C22orf31: variants seen among roughly 807,000 people sequenced by gnomAD.
C22orf31 encodes the protein chromosome 22 open reading frame 31.
C22orf31 carries 11 observed loss-of-function variants against 15.0 expected under a neutral mutation model. The observed-to-expected ratio is 0.73, with a 90% CI of 0.46 to 1.21. The LOEUF (loss-of-function observed/expected upper bound fraction) is 1.21. Among genes scored for constraint, C22orf31 ranks in the 50% most tolerant of loss-of-function variants. The probability of loss-of-function intolerance (pLI) is 0.00; values close to 1 mark genes in which losing one functional copy is unlikely to be tolerated. For missense variants in C22orf31, 340 were observed against 347.2 expected, an observed-to-expected ratio of 0.98 and a Z score of 0.17; for synonymous variants, 132 against 133.3, an observed-to-expected ratio of 0.99 and a Z score of 0.07.
the C22orf31 span, chr22:29,073,374 G>C: frequency 8.4e-6 from 2 of 237,714 alleles, no homozygotes; most frequent in Non-Finnish European, 1.6e-5. The surrounding 1 kb of genome is among the most constrained non-coding windows in gnomAD (Gnocchi z 4.4). Flanking sequence ...CCCTCAGGCC[G>C]GGATGGTCCC....
At position 29,060,644 on chromosome 22, in the gene C22orf31, G is replaced by C; in HGVS notation, c.203C>G (p.Pro68Arg). Residue 68 changes from proline to arginine, a missense_variant, in exon 2 of 3, where the codon CCA becomes CGA. By Grantham distance (103) the Pro-to-Arg change is moderately radical. Coordinates refer to ENST00000216071, the MANE Select transcript of C22orf31 (RefSeq NM_015370.2). ...CAGGGAGAAGGAACTGGCAATTAATGGGTTCCTTACAACTTCCCAAGAGGA... is the reference window on the plus strand; with the variant it reads ...CAGGGAGAAGGAACTGGCAATTAATCGGTTCCTTACAACTTCCCAAGAGGA... ...TTSSWEVVRN[P>R]LIASSFSLVK... The C allele has an allele frequency of 6.2e-7, 1 of 1,614,104 alleles. No homozygotes were observed. Among genetic ancestry groups the C allele is most frequent in the African/African-American group, 1.3e-5 (1 of 75,052 alleles).
At chr22:29,067,148 T>A in the C22orf31 span, among the ~76,000 whole-genome samples, 1 of 152,212 alleles carries the variant, frequency 6.6e-6, no homozygotes, top group African/African-American at 2.4e-5. Context: ...AGTCTGTTCA[T>A]AATGGATTTT....
upstream of C22orf31, among the ~76,000 whole-genome samples, chr22:29,063,250 C>T (rs1445875375): frequency 6.6e-6 from 1 of 152,034 alleles, no homozygotes; most frequent in African/African-American, 2.4e-5. Flanking sequence ...CTGCAACCTC[C>T]GCTTCCTGGG....
At chr22:29,062,269 G>C (rs566599537), upstream of C22orf31, among the ~76,000 whole-genome samples, 2 of 152,188 alleles carry the variant, frequency 1.3e-5, no homozygotes, top group African/African-American at 4.8e-5. Flanking sequence ...ATGTGCAAAA[G>C]TGCCCTCCTT....
At chr22:29,071,170 C>G in the C22orf31 span, among the ~76,000 whole-genome samples, 8 of 151,238 alleles carry the variant, frequency 5.3e-5, no homozygotes, top group African/African-American at 1.7e-4. Context: ...GTGGGGGGGG[C>G]GGTCCCCAGG....
the C22orf31 span, among the ~76,000 whole-genome samples, chr22:29,067,385 A>G: frequency 1.3e-5 from 2 of 151,514 alleles, no homozygotes; most frequent in African/African-American, 4.8e-5. Context: ...GCATTTGGTG[A>G]CAGAAACCTA....
intron 2 of C22orf31, chr22:29,059,547 G>T: frequency 3.6e-6 from 1 of 278,832 alleles, no homozygotes; most frequent in Non-Finnish European, 5.4e-6. Context: ...GAAGCCCTAT[G>T]AGGGAAGGGC....
rs771989755 is a variant in C22orf31, at chr22:29,061,819, C to T, written c.-27G>A. ...TTTCAGTTGCCTTAAATTTTATTTT[C>T]GCTAGCTTAGTAAGGGGAAGAAATA... is the stretch of plus-strand genomic sequence containing the variant. On this transcript the variant is annotated 5_prime_UTR_variant, in exon 1 of 3. Coordinates refer to ENST00000216071, the MANE Select transcript of C22orf31 (RefSeq NM_015370.2). 16 of 1,525,740 alleles carry T rather than the reference C, an allele frequency of 1.0e-5. No homozygotes were observed. The highest frequency in any genetic ancestry group is 1.8e-5 in the Admixed American group (1 of 54,206). The allele number at this position is 1,525,740 out of a possible 1,614,324, so 94.5% of individuals were successfully genotyped here. A position where few individuals can be genotyped will look rare whatever the true frequency, so the allele number is the denominator to read the frequency against.
At chr22:29,059,486 C>T (rs113296349) in intron 2 of C22orf31, among the ~76,000 whole-genome samples, 33 of 152,344 alleles carry the variant, frequency 2.2e-4, no homozygotes, top group African/African-American at 7.5e-4. Context: ...ATTATTTACC[C>T]TCTGCCAGGC....
At chr22:29,071,725 G>T in the C22orf31 span, among the ~76,000 whole-genome samples, 1 of 152,116 alleles carries the variant, frequency 6.6e-6, no homozygotes, top group Non-Finnish European at 1.5e-5. Context: ...GACGGCCCAC[G>T]ACCGACCCCG....
At chr22:29,060,021 C>CTTTTTTTTTTTTTTTTTTTTTTTTTTT (rs60208241) in intron 2 of C22orf31, 1 of 513,144 alleles carries the variant, frequency 1.9e-6, no homozygotes, top group Non-Finnish European at 2.4e-6. Flanking sequence ...TTTTTCTTTT[C>CTTTTTTTTTTTTTTTTTTTTTTTTTTT]TTTTTTTTTT....
At chr22:29,067,403 A>T in the C22orf31 span, among the ~76,000 whole-genome samples, 1 of 151,562 alleles carries the variant, frequency 6.6e-6, no homozygotes, top group South Asian at 2.1e-4. Flanking sequence ...CTATTATTTT[A>T]TTTTTTATTA....
At chr22:29,072,136 T>G in the C22orf31 span, among the ~76,000 whole-genome samples, 8 of 150,722 alleles carry the variant, frequency 5.3e-5, no homozygotes, top group African/African-American at 7.3e-5. Flanking sequence ...TTCGTTTTGG[T>G]TTTTTTTTGT....
At chr22:29,069,989 A>G in the C22orf31 span, among the ~76,000 whole-genome samples, 1 of 134,446 alleles carries the variant, frequency 7.4e-6, no homozygotes, top group African/African-American at 2.9e-5. Context: ...TCTGTCACTC[A>G]GGCTGGAGTG....
At chr22:29,073,150 G>A in the C22orf31 span, 4 of 1,121,132 alleles carry the variant, frequency 3.6e-6, no homozygotes, top group South Asian at 3.7e-5. The surrounding 1 kb of genome is among the most constrained non-coding windows in gnomAD (Gnocchi z 4.4). Context: ...CCAGCCGCCC[G>A]CCTCGCCCTG....
chr22:29,071,887 T>C, the C22orf31 span, among the ~76,000 whole-genome samples: 2 of 152,220 alleles, frequency 1.3e-5, no homozygotes, highest in East Asian at 3.9e-4. Context: ...CATCCATTTC[T>C]GGACGTTGCG....
chr22:29,061,272 TTG>T (rs1039673227), intron 1 of C22orf31, among the ~76,000 whole-genome samples: 3 of 152,124 alleles, frequency 2.0e-5, no homozygotes, highest in African/African-American at 4.8e-5. Flanking sequence ...CTTTCTTTTT[TTG>T]TGTGTGGGGG....
At chr22:29,063,425 CAA>C (rs1340409884), upstream of C22orf31, among the ~76,000 whole-genome samples, 1 of 152,196 alleles carries the variant, frequency 6.6e-6, no homozygotes, top group Non-Finnish European at 1.5e-5. Flanking sequence ...CTTGGCCTCC[CAA>C]AGTGCTGGGA....
chr22:29,060,469 A>G lies in C22orf31; in HGVS notation c.378T>C (p.Ser126=). The G allele has an allele frequency of 6.2e-7, 1 of 1,613,708 alleles. No individual in the cohort carries two copies. Among genetic ancestry groups the G allele is most frequent in the Middle Eastern group, 1.7e-4 (1 of 5,982 alleles). ...GCCCTGCTGGCTGCTTGCTCTTGGAACTGATGAAGTTTCTTTTCCTGGCCT... is the reference window on the plus strand; with the variant it reads ...GCCCTGCTGGCTGCTTGCTCTTGGAGCTGATGAAGTTTCTTTTCCTGGCCT... The part of the protein sequence containing the change: ...TQQARKRNFI[S]SKSKQPAGHR... The change falls in exon 2 of 3, where the codon AGT becomes AGC. Residue 126 remains serine, a synonymous_variant. Coordinates refer to ENST00000216071, the MANE Select transcript of C22orf31 (RefSeq NM_015370.2).
Sources: gnomAD v4.1 joint callset for allele counts (sites outside exome capture counted in the v4.1 genomes callset) on GRCh38, gnomAD v4.1.1 for gene constraint, Gnocchi (gnomAD v3.1) non-coding constraint, MANE v1.5 for transcripts, NCBI Gene and HGNC (gene_info 2026-07-23, HGNC 2026-07-21) for gene names.